F7: variants seen among roughly 807,000 people sequenced by gnomAD.
F7 encodes FVII coagulation protein.
A neutral mutation model predicts 47.5 loss-of-function variants in F7; 38 were observed. The ratio of observed to expected loss-of-function variants is 0.80; its 90% confidence interval spans 0.62 to 1.05. The LOEUF is 1.05. Among genes scored for constraint, F7 ranks in the 50% least tolerant of loss-of-function variants. The pLI is 0.00. For synonymous variants in F7, 244 were observed against 258.5 expected (o/e 0.94, Z 0.54); for missense variants, 575 against 605.4 (o/e 0.95, Z 0.53).
At position 113,118,974 on chromosome 13, in the gene F7, G is replaced by T. The variant is rs767892850; in HGVS notation, c.1301G>T (p.Arg434Leu). The part of the protein sequence containing the change: ...WLQKLMRSEP[R>L]PGVLLRAPFP ...CAAAAGCTCATGCGCTCAGAGCCAC[G>T]CCCAGGAGTCCTCCTGCGAGCCCCA... Residue 434 changes from arginine (R) to leucine (L), a missense_variant, in exon 8 of 8, where the codon CGC (arginine) becomes CTC (leucine). By Grantham distance (102) the Arg-to-Leu change is moderately radical (BLOSUM62 -2). Coordinates refer to ENST00000346342, the MANE Select transcript of F7 (RefSeq NM_019616.4). 3 of 1,602,912 alleles carry T rather than the reference G, an allele frequency of 1.9e-6. No individual in the cohort carries two copies. Among genetic ancestry groups the T allele is most frequent in the Non-Finnish European group, 1.7e-6 (2 of 1,179,954 alleles).
At chr13:113,116,053 C>T (rs1452722284) in intron 5 of F7, among the ~76,000 whole-genome samples, 1 of 152,200 alleles carries the variant, frequency 6.6e-6, no homozygotes, top group Non-Finnish European at 1.5e-5. Flanking sequence ...CCAGGGGAGC[C>T]AAGCAAGGCA....
intron 1 of F7, among the ~76,000 whole-genome samples, chr13:113,108,688 TGTGA>T (rs1270392911): frequency 3.6e-4 from 36 of 101,174 alleles, no homozygotes; most frequent in Non-Finnish European, 6.6e-4. Flanking sequence ...ATCCCAGAAG[TGTGA>T]GTGTCCCGGG....
chr13:113,108,823 A>G (rs113355131), intron 1 of F7, among the ~76,000 whole-genome samples: 85 of 11,090 alleles, frequency 7.7e-3, no homozygotes, highest in East Asian at 9.9e-3. Context: ...GTGTCCCGGG[A>G]GTGTGGGTGT....
At chr13:113,107,305 G>GGGAGTGTGGGTGTCCCA (rs2035982768) in intron 1 of F7, among the ~76,000 whole-genome samples, 1 of 80,118 alleles carries the variant, frequency 1.2e-5, no homozygotes, top group African/African-American at 4.9e-5. Context: ...TGGGTGTCCC[G>GGGAGTGTGGGTGTCCCA]GGGGCGTGGG....
At chr13:113,108,703 G>A (rs1341591138) in intron 1 of F7, among the ~76,000 whole-genome samples, 34 of 123,554 alleles carry the variant, frequency 2.8e-4, no homozygotes, top group South Asian at 3.0e-4. Flanking sequence ...GTGTCCCGGG[G>A]GTGTGGGTGT....
In F7 at chr13:113,115,730, C is replaced by T. The variant is rs1317230872; in HGVS notation, c.435C>T (p.Gly145=). The stretch of plus-strand genomic sequence containing the variant: ...AGCAGTACTGCAGTGACCACACGGG[C>T]ACCAAGCGCTCCTGTCGGTGCCACG... ...GCEQYCSDHT[G]TKRSCRCHEG... The change falls in exon 5 of 8, where the codon GGC becomes GGT. Residue 145 remains glycine, a synonymous_variant. Transcript: ENST00000346342. The T allele has an allele frequency of 6.8e-6, 11 of 1,613,014 alleles. No individual in the cohort carries two copies. Among genetic ancestry groups the T allele is most frequent in the African/African-American group, 1.3e-5 (1 of 74,936 alleles).
rs2036236900 is a variant in F7, at chr13:113,118,484, A to AC, written c.812dup (p.Tyr272ValfsTer23). ...GGTGGCGCAGGTCATCATCCCCAGC[A>AC]CGTACGTCCCGGGCACCACCAACCA... On this transcript the variant is annotated frameshift_variant, in exon 8 of 8. Coordinates refer to ENST00000346342, the MANE Select transcript of F7 (RefSeq NM_019616.4). LOFTEE classifies it high-confidence loss of function. The AC allele has an allele frequency of 6.2e-7, 1 of 1,609,658 alleles. No homozygotes were observed. The highest frequency in any genetic ancestry group is 8.5e-7 in the Non-Finnish European group (1 of 1,179,590).
intron 7 of F7, 59 bp from the exon 8 acceptor site, chr13:113,118,354 C>A: frequency 6.6e-7 from 1 of 1,523,358 alleles, no homozygotes; most frequent in Non-Finnish European, 8.9e-7. Flanking sequence ...CATCCCCATG[C>A]ACCAGGGGGT....
intron 2 of F7, 68 bp downstream of exon 2, chr13:113,110,918 G>T: frequency 1.3e-6 from 2 of 1,514,598 alleles, no homozygotes; most frequent in South Asian, 2.5e-5. Flanking sequence ...GCCGCGTGGG[G>T]CCGCCTGCGT....
At chr13:113,109,766 C>G (rs2036053223) in intron 1 of F7, among the ~76,000 whole-genome samples, 1 of 152,146 alleles carries the variant, frequency 6.6e-6, no homozygotes, top group Admixed American at 6.5e-5. Flanking sequence ...GAGGCAGGTT[C>G]GGGCAGCACG....
At chr13:113,107,014 A>G in intron 1 of F7, 1 of 1,305,372 alleles carries the variant, frequency 7.7e-7, no homozygotes, top group East Asian at 2.5e-5. Flanking sequence ...TGGCTACTGC[A>G]GTGCCCCCCA....
intron 1 of F7, among the ~76,000 whole-genome samples, chr13:113,106,640 C>G (rs1199642435): frequency 3.4e-4 from 3 of 8,840 alleles, no homozygotes; most frequent in East Asian, 3.4e-3. Flanking sequence ...GTGGGGATGG[C>G]GAGTGGGGCT....
chr13:113,118,053 G>A (rs917991115), intron 7 of F7, among the ~76,000 whole-genome samples: 5 of 152,236 alleles, frequency 3.3e-5, no homozygotes, highest in African/African-American at 9.6e-5. Context: ...ACCACCGGCT[G>A]GCAGGGGTTC....
intron 2 of F7, among the ~76,000 whole-genome samples, chr13:113,111,107 T>C (rs1459412522): frequency 6.6e-6 from 1 of 152,128 alleles, no homozygotes; most frequent in Non-Finnish European, 1.5e-5. Flanking sequence ...GAAAATACGA[T>C]TTGCAAAGCA....
In F7 at chr13:113,119,727, G is replaced by A. The variant is rs1317908508; in HGVS notation, c.*719G>A. On this transcript the variant is annotated 3_prime_UTR_variant, in exon 8 of 8. Coordinates refer to ENST00000346342, the MANE Select transcript of F7 (RefSeq NM_019616.4). The stretch of plus-strand genomic sequence containing the variant: ...TGGATGAGCACACACACACCAATGC[G>A]CACACACACCGATGTACACACACAG... The A allele has an allele frequency of 4.6e-5, 7 of 151,472 alleles. No homozygotes were observed. The highest frequency in any genetic ancestry group is 9.8e-5 in the African/African-American group (4 of 40,774). The allele number at this position is 151,472 out of a possible 1,614,324, so 9.4% of individuals were successfully genotyped here.
In F7 at chr13:113,116,846, G is replaced by A. The variant is rs139309572; in HGVS notation, c.586G>A (p.Val196Met). 178 of 1,613,740 alleles carry A rather than the reference G, an allele frequency of 1.1e-4. No individual in the cohort carries two copies. The African/African-American group carries it at 2.0e-3, about 18-fold the overall frequency. ...CCAAGGCCGAATTGTGGGGGGCAAG[G>A]TGTGCCCCAAAGGGGAGTGTCCATG... is the stretch of plus-strand genomic sequence containing the variant. ...KPQGRIVGGK[V>M]CPKGECPWQV... is the part of the protein sequence containing the mutation. Residue 196 changes from valine (V) to methionine (M), a missense_variant, in exon 6 of 8, where the codon GTG becomes ATG. Transcript: ENST00000346342.
rs1386392453 is a variant in F7, at chr13:113,118,918, C to T, written c.1245C>T (p.Tyr415=). 6.2e-7 allele frequency: 1 copy of T among 1,611,980 alleles called. No individual in the cohort carries two copies. The highest frequency in any genetic ancestry group is 8.5e-7 in the Non-Finnish European group (1 of 1,179,902). Residue 415 remains tyrosine, a synonymous_variant, in exon 8 of 8, where the codon TAC becomes TAT. Coordinates refer to ENST00000346342, the MANE Select transcript of F7 (RefSeq NM_019616.4). ...GCATVGHFGV[Y]TRVSQYIEWL... ...CAACCGTGGGCCACTTTGGGGTGTA[C>T]ACCAGGGTCTCCCAGTACATCGAGT...
chr13:113,118,150 C>A (rs2036229592), intron 7 of F7, among the ~76,000 whole-genome samples: 2 of 152,264 alleles, frequency 1.3e-5, no homozygotes, highest in South Asian at 4.1e-4. Flanking sequence ...CACGCCCTGT[C>A]CTCCCAGCTG....
chr13:113,111,331 C>T (rs1173389648), intron 2 of F7, among the ~76,000 whole-genome samples: 1 of 152,080 alleles, frequency 6.6e-6, no homozygotes, highest in Non-Finnish European at 1.5e-5. Context: ...GCTCACGGGT[C>T]ACCTCACACT....
Sources: gnomAD v4.1 joint callset for allele counts (sites outside exome capture counted in the v4.1 genomes callset) on GRCh38, gnomAD v4.1.1 for gene constraint, MANE v1.5 for transcripts, NCBI Gene and HGNC (gene_info 2026-07-23, HGNC 2026-07-21) for gene names.